The following LRBA variants were observed in gnomAD, a reference collection of about 807,000 sequenced individuals.
LRBA encodes lipopolysaccharide-responsive and beige-like anchor protein.
A neutral mutation model predicts 330.0 loss-of-function variants in LRBA; 176 were observed. The observed-to-expected ratio is 0.53, with a 90% CI of 0.47 to 0.60. LRBA has a LOEUF of 0.60. Ranked by LOEUF, LRBA falls within the 20% of genes least tolerant of loss-of-function variation. LRBA has a pLI of 0.00. For synonymous variants in LRBA, 1,230 were observed against 1,193.0 expected, an observed-to-expected ratio of 1.03 and a Z score of -0.64; for missense variants, 3,259 against 3,444.8, an observed-to-expected ratio of 0.95 and a Z score of 1.35.
In LRBA at chr4:150,685,387, AATATATATATATATATATAT is replaced by A. The variant is rs781582762; in HGVS notation, c.5755-1690_5755-1671del. 8.5e-3 allele frequency among the ~76,000 whole-genome samples: 105 copies of A among 12,332 alleles called. 3 individuals carry two copies. Among genetic ancestry groups the A allele is most frequent in the East Asian group, 0.011 (4 of 368 alleles). 8.1% of individuals were successfully genotyped at this position (12,332 alleles called of 152,430 possible). On this transcript the variant is annotated intron_variant, in intron 36 of 56. Coordinates refer to ENST00000651943, the MANE Select transcript of LRBA (RefSeq NM_001364905.1). ...GTATATGTACATGCATAAGGAATCA[AATATATATATATATATATAT>A]ATATATATATATATTTTTTTTTTTT... is the stretch of plus-strand genomic sequence containing the variant.
chr4:150,811,045 T>C (rs1238276013), intron 31 of LRBA, among the ~76,000 whole-genome samples: 1 of 152,204 alleles, frequency 6.6e-6, no homozygotes, highest in Non-Finnish European at 1.5e-5. Context: ...CTTTGGTATC[T>C]GGCACTTCTA....
At chr4:150,905,772 TCA>T in intron 13 of LRBA, 64 bp downstream of exon 13, 4 of 1,348,370 alleles carry the variant, frequency 3.0e-6, no homozygotes, top group Non-Finnish European at 4.1e-6. Context: ...CTCTTAATTA[TCA>T]CTCTCCTCAC....
chr4:150,548,475 T>C (rs1766125970), intron 40 of LRBA, among the ~76,000 whole-genome samples: 1 of 152,158 alleles, frequency 6.6e-6, no homozygotes, highest in Non-Finnish European at 1.5e-5. Context: ...AATGTCTACA[T>C]ACTCTACCAA....
chr4:150,688,193 A>G (rs1392985280), intron 36 of LRBA, among the ~76,000 whole-genome samples: 3 of 152,242 alleles, frequency 2.0e-5, no homozygotes, highest in African/African-American at 7.2e-5. Context: ...GACAAAAACA[A>G]GAAATGGGGA....
intron 37 of LRBA, among the ~76,000 whole-genome samples, chr4:150,677,898 C>CAAAT (rs1782707065): frequency 2.0e-5 from 3 of 151,874 alleles, no homozygotes; most frequent in African/African-American, 4.8e-5. Flanking sequence ...GTAATTAGTA[C>CAAAT]ATCACAAATA....
chr4:150,367,997 T>G (rs988689628), intron 47 of LRBA, among the ~76,000 whole-genome samples: 1 of 152,178 alleles, frequency 6.6e-6, no homozygotes, highest in Non-Finnish European at 1.5e-5. Flanking sequence ...TAAGAAATAG[T>G]ATATTACTGT....
chr4:150,828,355 C>A lies in LRBA; in HGVS notation c.4996G>T (p.Ala1666Ser). Reference sequence around the variant, plus strand: ...TTTGAAACTGAAACTGACGGTGTAGCCTTAGTGTCCAAGTCATTTCCTCTA... The same window carrying A: ...TTTGAAACTGAAACTGACGGTGTAGACTTAGTGTCCAAGTCATTTCCTCTA... Reference protein sequence around the residue: ...NDRGNDLDTKATPSVSVSKNV... With the variant: ...NDRGNDLDTKSTPSVSVSKNV... Residue 1666 changes from alanine (A) to serine (S), a missense_variant, in exon 30 of 57, where the codon GCT becomes TCT. By Grantham distance (99) the Ala-to-Ser change is moderately conservative (BLOSUM62 1). Coordinates refer to ENST00000651943, the MANE Select transcript of LRBA (RefSeq NM_001364905.1). 1 of 1,614,064 alleles carries A rather than the reference C, an allele frequency of 6.2e-7. No individual in the cohort carries two copies. Among genetic ancestry groups the A allele is most frequent in the Non-Finnish European group, 8.5e-7 (1 of 1,179,996 alleles).
At chr4:150,374,212 G>GT (rs1454990903) in intron 47 of LRBA, among the ~76,000 whole-genome samples, 1 of 152,144 alleles carries the variant, frequency 6.6e-6, no homozygotes. Flanking sequence ...AGAGACTGCT[G>GT]TTTTTTATCT....
chr4:150,899,987 A>T, intron 14 of LRBA, 62 bp downstream of exon 14: 1 of 1,339,036 alleles, frequency 7.5e-7, no homozygotes, highest in Non-Finnish European at 1.0e-6. Flanking sequence ...GTTAAAACAA[A>T]AAGAAAAATT....
At chr4:150,436,578 G>A in intron 45 of LRBA, 146 bp downstream of exon 45, 1 of 634,394 alleles carries the variant, frequency 1.6e-6, no homozygotes, top group African/African-American at 1.9e-5. Flanking sequence ...AGCCAAATGA[G>A]ATAGAGATAT....
At chr4:150,489,274 T>A (rs1305722771) in intron 41 of LRBA, among the ~76,000 whole-genome samples, 2 of 105,390 alleles carry the variant, frequency 1.9e-5, no homozygotes, top group African/African-American at 7.8e-5. Flanking sequence ...GAATATATAA[T>A]ATATTATATA....
chr4:150,983,288 T>C (rs955586142), intron 2 of LRBA, among the ~76,000 whole-genome samples: 3 of 151,798 alleles, frequency 2.0e-5, no homozygotes, highest in Admixed American at 6.6e-5. Context: ...AAAAACCATC[T>C]CTACAAAAAA....
intron 2 of LRBA, among the ~76,000 whole-genome samples, chr4:151,011,325 G>T (rs768716695): frequency 3.9e-5 from 6 of 152,180 alleles, no homozygotes; most frequent in Non-Finnish European, 8.8e-5. Context: ...TAGGCCAGGC[G>T]TGGTGGCTTA....
intron 53 of LRBA, 132 bp from the exon 54 acceptor site, chr4:150,286,166 T>C (rs1748109337): frequency 1.5e-6 from 1 of 657,816 alleles, no homozygotes; most frequent in Admixed American, 3.2e-5. Context: ...AATCCTACTT[T>C]AGGACTAGAT....
intron 40 of LRBA, among the ~76,000 whole-genome samples, chr4:150,492,867 G>A (rs1759137129): frequency 6.6e-6 from 1 of 152,020 alleles, no homozygotes; most frequent in Non-Finnish European, 1.5e-5. Context: ...CTCCTCTTAT[G>A]TCACCTCTGC....
chr4:150,455,602 T>A (rs1753960379), intron 44 of LRBA, among the ~76,000 whole-genome samples: 1 of 152,182 alleles, frequency 6.6e-6, no homozygotes, highest in Non-Finnish European at 1.5e-5. Flanking sequence ...AGGCAAGCAA[T>A]GCATAATAAT....
chr4:150,771,668 C>G (rs1250586551), intron 34 of LRBA, among the ~76,000 whole-genome samples: 1 of 152,168 alleles, frequency 6.6e-6, no homozygotes. Flanking sequence ...TCCTAGGGAA[C>G]AGTGCCTTAT....
intron 2 of LRBA, among the ~76,000 whole-genome samples, chr4:150,995,033 C>G (rs1388738365): frequency 6.6e-6 from 1 of 151,590 alleles, no homozygotes; most frequent in Admixed American, 6.6e-5. Flanking sequence ...AGTGGATGAA[C>G]TGCAGAGGAG....
chr4:150,280,799 G>A (rs1174272245), intron 55 of LRBA, among the ~76,000 whole-genome samples: 3 of 152,138 alleles, frequency 2.0e-5, no homozygotes, highest in Non-Finnish European at 2.9e-5. Flanking sequence ...TTCCTTCCTC[G>A]CCTCCCGAGG....
Sources: gnomAD v4.1 joint callset for allele counts (sites outside exome capture counted in the v4.1 genomes callset) on GRCh38, gnomAD v4.1.1 for gene constraint, MANE v1.5 for transcripts, NCBI Gene and HGNC (gene_info 2026-07-23, HGNC 2026-07-21) for gene names.